SLN: variants seen among roughly 807,000 people sequenced by gnomAD.
The protein encoded by SLN is sarcolipin.
For synonymous variants in SLN, 19 were observed against 14.4 expected (o/e 1.32, Z -0.72); for missense variants, 34 against 37.4 (o/e 0.91, Z 0.24).
In SLN at chr11:107,707,838, G is replaced by A. The variant is rs1396908635; in HGVS notation, c.93C>T (p.Tyr31=). ...CCCAGGACCATGGCATGGCCTCTCAGTACTGATAGGACCTCACAAGGAGCC... is the reference window on the plus strand; with the variant it reads ...CCCAGGACCATGGCATGGCCTCTCAATACTGATAGGACCTCACAAGGAGCC... ...LMWLLVRSYQ[Y] is the part of the protein sequence containing the mutation. The change falls in exon 2 of 2, where the codon TAC becomes TAT. Residue 31 remains tyrosine, a synonymous_variant. Coordinates refer to ENST00000305991, the MANE Select transcript of SLN (RefSeq NM_003063.3). The A allele has an allele frequency of 1.9e-6, 3 of 1,611,630 alleles. No homozygotes were observed. Among genetic ancestry groups the A allele is most frequent in the Non-Finnish European group, 2.5e-6 (3 of 1,178,002 alleles).
chr11:107,710,232 A>C (rs1287097383), intron 1 of SLN, among the ~76,000 whole-genome samples: 1 of 152,254 alleles, frequency 6.6e-6, no homozygotes, highest in Non-Finnish European at 1.5e-5. Context: ...AGAGATAAGC[A>C]GAAAATATGA....
At chr11:107,708,292 A>G (rs143932617) in intron 1 of SLN, among the ~76,000 whole-genome samples, 12 of 152,216 alleles carry the variant, frequency 7.9e-5, no homozygotes, top group African/African-American at 2.6e-4. Flanking sequence ...ATTAGGACAC[A>G]GACACATGCA....
intron 1 of SLN, among the ~76,000 whole-genome samples, chr11:107,711,749 A>T (rs550829999): frequency 5.0e-4 from 76 of 151,894 alleles, no homozygotes; most frequent in African/African-American, 1.4e-3. Flanking sequence ...AAGAAAAAAA[A>T]TTTTTTTTTA....
intron 1 of SLN, among the ~76,000 whole-genome samples, chr11:107,710,480 A>G (rs1867200279): frequency 6.6e-6 from 1 of 151,452 alleles, no homozygotes; most frequent in Admixed American, 6.6e-5. Context: ...TACAGCTGAG[A>G]AACTGACTTT....
intron 1 of SLN, among the ~76,000 whole-genome samples, chr11:107,711,548 A>T (rs634186): frequency 1.3e-5 from 2 of 151,944 alleles, no homozygotes; most frequent in South Asian, 4.2e-4. Context: ...GCTTTTAACC[A>T]ATAAAGACAC....
intron 1 of SLN, among the ~76,000 whole-genome samples, chr11:107,711,439 T>C (rs1209887501): frequency 3.3e-5 from 5 of 152,220 alleles, no homozygotes; most frequent in Admixed American, 6.5e-5. Flanking sequence ...ATGCTAACTG[T>C]AAGGTGTGGT....
intron 1 of SLN, among the ~76,000 whole-genome samples, chr11:107,711,671 T>A (rs1029132586): frequency 1.3e-5 from 2 of 152,124 alleles, no homozygotes; most frequent in Admixed American, 1.3e-4. Context: ...GCAGGAAGTT[T>A]GACATTGGCT....
intron 1 of SLN, among the ~76,000 whole-genome samples, chr11:107,710,562 T>A (rs1189570859): frequency 6.6e-6 from 1 of 152,234 alleles, no homozygotes; most frequent in African/African-American, 2.4e-5. Context: ...ATTAGCAGAC[T>A]GGAACTAGTT....
chr11:107,707,572 G>A lies in SLN; in HGVS notation c.*263C>T. ...AATCCAGTTTAATTTTAACTTTGTGGCTTGTCTAACACATTTTCAGTTAAG... is the reference window on the plus strand; with the variant it reads ...AATCCAGTTTAATTTTAACTTTGTGACTTGTCTAACACATTTTCAGTTAAG... On this transcript the variant is annotated 3_prime_UTR_variant, in exon 2 of 2. Coordinates refer to ENST00000305991, the MANE Select transcript of SLN (RefSeq NM_003063.3). The A allele has an allele frequency of 2.6e-6, 1 of 391,774 alleles. No homozygotes were observed. Among genetic ancestry groups the A allele is most frequent in the Non-Finnish European group, 4.6e-6 (1 of 217,330 alleles). 24.3% of individuals were successfully genotyped at this position (391,774 alleles called of 1,614,324 possible).
intron 1 of SLN, among the ~76,000 whole-genome samples, chr11:107,710,328 C>G (rs752426011): frequency 1.6e-4 from 25 of 152,302 alleles, no homozygotes; most frequent in Non-Finnish European, 2.2e-4. Flanking sequence ...GCTGTTAAGT[C>G]ATGGGAATCA....
intron 1 of SLN, among the ~76,000 whole-genome samples, chr11:107,711,568 C>A (rs1473827505): frequency 6.6e-6 from 1 of 152,138 alleles, no homozygotes; most frequent in African/African-American, 2.4e-5. Context: ...CTTTGGGTTT[C>A]ATTTTAAACA....
rs777478436 is a variant in SLN, at chr11:107,707,922, T to TA, written c.8dup (p.Asn4LysfsTer69). Reference sequence around the variant, plus strand: ...AGTTGAGAAACAGCTCCCGGGTGTTTATCCCCATTTTCACAGCGGCTTGGT... The same window carrying TA: ...AGTTGAGAAACAGCTCCCGGGTGTTTAATCCCCATTTTCACAGCGGCTTGGT... On this transcript the variant is annotated frameshift_variant, in exon 2 of 2. Transcript: ENST00000305991. LOFTEE classifies it high-confidence loss of function. The TA allele has an allele frequency of 1.2e-6, 2 of 1,613,892 alleles. No individual in the cohort carries two copies. Among genetic ancestry groups the TA allele is most frequent in the Non-Finnish European group, 1.7e-6 (2 of 1,179,834 alleles).
Position 107,707,809 on chromosome 11 carries a change from C to A in SLN, c.*26G>T. Reference sequence around the variant, plus strand: ...GCAGGCAGCTCCGGAGCATCTCAGTCAATCCCAGGACCATGGCATGGCCTC... The same window carrying A: ...GCAGGCAGCTCCGGAGCATCTCAGTAAATCCCAGGACCATGGCATGGCCTC... On this transcript the variant is annotated 3_prime_UTR_variant, in exon 2 of 2. Coordinates refer to ENST00000305991, the MANE Select transcript of SLN (RefSeq NM_003063.3). 2 of 1,561,460 alleles carry A rather than the reference C, an allele frequency of 1.3e-6. No homozygotes were observed. Among genetic ancestry groups the A allele is most frequent in the South Asian group, 1.1e-5 (1 of 89,986 alleles).
chr11:107,708,172 T>C (rs1353401255), intron 1 of SLN, among the ~76,000 whole-genome samples, 167 bp from the exon 2 acceptor site: 1 of 152,100 alleles, frequency 6.6e-6, no homozygotes, highest in African/African-American at 2.4e-5. Flanking sequence ...TCACAGTATC[T>C]CAGAATGTGA....
chr11:107,709,476 A>G (rs753704858), intron 1 of SLN, among the ~76,000 whole-genome samples: 10 of 152,212 alleles, frequency 6.6e-5, no homozygotes, highest in Non-Finnish European at 1.3e-4. Flanking sequence ...TGTATTGATT[A>G]TATTATCAAT....
chr11:107,711,443 G>T (rs1484238654), intron 1 of SLN, among the ~76,000 whole-genome samples: 1 of 152,148 alleles, frequency 6.6e-6, no homozygotes, highest in Non-Finnish European at 1.5e-5. Context: ...TAACTGTAAG[G>T]TGTGGTGTGA....
At chr11:107,708,538 A>G (rs1867179002) in intron 1 of SLN, among the ~76,000 whole-genome samples, 1 of 152,212 alleles carries the variant, frequency 6.6e-6, no homozygotes, top group South Asian at 2.1e-4. Flanking sequence ...CAATCCCCTC[A>G]ACACAACACA....
intron 1 of SLN, among the ~76,000 whole-genome samples, chr11:107,711,450 G>C (rs1242099914): frequency 6.6e-6 from 1 of 152,206 alleles, no homozygotes; most frequent in Non-Finnish European, 1.5e-5. Context: ...AAGGTGTGGT[G>C]TGAACATTCC....
intron 1 of SLN, among the ~76,000 whole-genome samples, chr11:107,710,839 A>G (rs896758177): frequency 1.3e-5 from 2 of 152,252 alleles, no homozygotes; most frequent in Admixed American, 1.3e-4. Context: ...AATGTTTATC[A>G]ACAGCAGAAT....
Sources: allele counts gnomAD v4.1 joint callset (sites outside exome capture counted in the v4.1 genomes callset), GRCh38; gene constraint gnomAD v4.1.1; transcripts MANE v1.5; gene names NCBI Gene and HGNC (gene_info 2026-07-23, HGNC 2026-07-21).